SHTN1: variants seen among roughly 807,000 people sequenced by gnomAD.
The protein encoded by SHTN1 is shootin-1.
A neutral mutation model predicts 83.1 loss-of-function variants in SHTN1; 42 were observed. The observed-to-expected ratio is 0.51, with a 90% CI of 0.39 to 0.65. The LOEUF (loss-of-function observed/expected upper bound fraction) is 0.65, where lower values mean the gene tolerates loss of function less well. Among genes scored for constraint, SHTN1 ranks in the 30% least tolerant of loss-of-function variants. SHTN1 has a pLI of 0.00. For missense variants in SHTN1, 622 were observed against 737.8 expected, an observed-to-expected ratio of 0.84 and a Z score of 1.82; for synonymous variants, 224 against 247.7, an observed-to-expected ratio of 0.90 and a Z score of 0.90.
intron 2 of SHTN1, among the ~76,000 whole-genome samples, chr10:116,971,016 TTCTC>T (rs1850598371): frequency 6.6e-6 from 1 of 152,174 alleles, no homozygotes; most frequent in East Asian, 1.9e-4. Context: ...TGTTATACTA[TTCTC>T]TGCCCTTTCC....
rs1437188855 is a variant in SHTN1, at chr10:116,946,428, ATG to A, written c.617-1412_617-1411del. Reference sequence around the variant, plus strand: ...ATATATGTATTATATATAATATTAAATGTAAATAAATGTATAAATTATGTATA... The same window carrying A: ...ATATATGTATTATATATAATATTAAATAAATAAATGTATAAATTATGTATA... On this transcript the variant is annotated intron_variant, in intron 7 of 16. Transcript: ENST00000355371. Among the ~76,000 whole-genome samples the A allele has an allele frequency of 4.1e-5, 6 of 146,194 alleles. No homozygotes were observed. The East Asian group carries it at 1.2e-3, about 29-fold the overall frequency.
At chr10:116,902,296 C>A (rs913502207) in intron 15 of SHTN1, among the ~76,000 whole-genome samples, 1 of 152,272 alleles carries the variant, frequency 6.6e-6, no homozygotes, top group East Asian at 1.9e-4. Flanking sequence ...CAGCCCTACT[C>A]GAACCATTTC....
intron 1 of SHTN1, among the ~76,000 whole-genome samples, chr10:117,108,688 C>T (rs1326790382): frequency 6.6e-6 from 1 of 150,912 alleles, no homozygotes; most frequent in Non-Finnish European, 1.5e-5. Flanking sequence ...CACATGTACC[C>T]TAGAACTTAA....
chr10:116,942,411 C>G (rs1380051874), intron 8 of SHTN1, among the ~76,000 whole-genome samples: 4 of 152,104 alleles, frequency 2.6e-5, no homozygotes. Context: ...TGGGGTTTCA[C>G]TATGTTGGCC....
intron 1 of SHTN1, among the ~76,000 whole-genome samples, chr10:117,064,798 CCTTA>C (rs1564946817): frequency 6.6e-6 from 1 of 152,162 alleles, no homozygotes; most frequent in Non-Finnish European, 1.5e-5. Flanking sequence ...CTAAATTGAA[CCTTA>C]CTGTCTGTTC....
At chr10:116,976,973 T>G (rs1363905510) in intron 2 of SHTN1, among the ~76,000 whole-genome samples, 1 of 152,238 alleles carries the variant, frequency 6.6e-6, no homozygotes, top group Non-Finnish European at 1.5e-5. Flanking sequence ...CCATACTCTA[T>G]GCAGTGAAAC....
intron 8 of SHTN1, 62 bp downstream of exon 8, chr10:116,944,862 G>C: frequency 9.3e-7 from 1 of 1,074,922 alleles, no homozygotes; most frequent in Non-Finnish European, 1.4e-6. Flanking sequence ...CTGCACTCCA[G>C]CCTGGTGACA....
At chr10:117,037,513 C>A (rs1235085812) in intron 2 of SHTN1, among the ~76,000 whole-genome samples, 1 of 152,078 alleles carries the variant, frequency 6.6e-6, no homozygotes, top group Non-Finnish European at 1.5e-5. Context: ...CAATACCAAT[C>A]AAAATTCTGG....
intron 2 of SHTN1, among the ~76,000 whole-genome samples, chr10:117,014,750 CACA>C (rs1207739753): frequency 2.0e-5 from 3 of 152,038 alleles, no homozygotes; most frequent in South Asian, 2.1e-4. Context: ...AAGCTAGTAG[CACA>C]ACATTTAAAA....
At chr10:117,102,061 T>C (rs2133630163) in intron 1 of SHTN1, among the ~76,000 whole-genome samples, 1 of 150,526 alleles carries the variant, frequency 6.6e-6, no homozygotes, top group Middle Eastern at 3.4e-3. Flanking sequence ...AGAAACTTTG[T>C]TCTTAAAAAA....
At chr10:116,956,201 G>A (rs1849973082) in intron 4 of SHTN1, among the ~76,000 whole-genome samples, 1 of 152,144 alleles carries the variant, frequency 6.6e-6, no homozygotes, top group Non-Finnish European at 1.5e-5. Flanking sequence ...ATGCTTAGGC[G>A]CTATGCCATA....
intron 14 of SHTN1, chr10:116,907,896 G>T: frequency 1.9e-6 from 1 of 518,210 alleles, no homozygotes; most frequent in African/African-American, 1.9e-5. Context: ...CCTTAATCCT[G>T]CTCCCTCCCT....
At chr10:116,995,669 T>C (rs532535248) in intron 1 of SHTN1, among the ~76,000 whole-genome samples, 120 of 152,276 alleles carry the variant, frequency 7.9e-4, no homozygotes, top group Non-Finnish European at 1.4e-3. Flanking sequence ...TAGGATACAA[T>C]TGAAAATACT....
At chr10:116,963,342 G>A (rs899798696) in intron 3 of SHTN1, among the ~76,000 whole-genome samples, 1 of 151,324 alleles carries the variant, frequency 6.6e-6, no homozygotes, top group Non-Finnish European at 1.5e-5. Flanking sequence ...AAAGTGCTGG[G>A]ATTACAAGCG....
chr10:116,957,536 G>A (rs1850029104), intron 4 of SHTN1, among the ~76,000 whole-genome samples: 1 of 151,646 alleles, frequency 6.6e-6, no homozygotes. Flanking sequence ...TTACAGGCGT[G>A]AGCCACCGTG....
chr10:116,890,680 G>T (rs1847314246), intron 16 of SHTN1, among the ~76,000 whole-genome samples: 1 of 152,230 alleles, frequency 6.6e-6, no homozygotes, highest in African/African-American at 2.4e-5. Context: ...TAAAACTTGG[G>T]TGACCTTTTA....
At chr10:116,901,019 G>A (rs889000074) in intron 16 of SHTN1, 15 of 985,256 alleles carry the variant, frequency 1.5e-5, no homozygotes, top group South Asian at 4.7e-5. Flanking sequence ...TCTCTTGATA[G>A]GACAGGAAAT....
At chr10:117,112,116 C>T (rs1289088076) in intron 1 of SHTN1, among the ~76,000 whole-genome samples, 1 of 152,148 alleles carries the variant, frequency 6.6e-6, no homozygotes, top group Non-Finnish European at 1.5e-5. Context: ...CAGGCACACG[C>T]CACCATGCCC....
intron 1 of SHTN1, among the ~76,000 whole-genome samples, chr10:116,997,974 C>A (rs1305363835): frequency 6.6e-6 from 1 of 152,138 alleles, no homozygotes; most frequent in Admixed American, 6.5e-5. Context: ...CGCCTGTAGT[C>A]CCAGCTACTC....
Sources: gnomAD v4.1 joint callset for allele counts (sites outside exome capture counted in the v4.1 genomes callset) on GRCh38, gnomAD v4.1.1 for gene constraint, MANE v1.5 for transcripts, NCBI Gene and HGNC (gene_info 2026-07-23, HGNC 2026-07-21) for gene names.